The following ATAD2B variants were observed in gnomAD, a reference collection of about 807,000 sequenced individuals.
The protein encoded by ATAD2B is ATPase family AAA domain-containing protein 2B.
ATAD2B carries 40 observed loss-of-function variants against 167.6 expected under a neutral mutation model. That is an observed-to-expected ratio of 0.24 (90% CI 0.19 to 0.31). The LOEUF is 0.31. ATAD2B is among the 10% of genes least tolerant of loss of function. ATAD2B has a pLI of 1.00. For synonymous variants in ATAD2B, 579 were observed against 596.5 expected (o/e 0.97, Z 0.43); for missense variants, 1,242 against 1,757.2 (o/e 0.71, Z 5.24).
downstream of ATAD2B, among the ~76,000 whole-genome samples, chr2:23,745,115 C>T (rs761991127): frequency 2.0e-5 from 3 of 151,926 alleles, no homozygotes; most frequent in Non-Finnish European, 2.9e-5. Flanking sequence ...GTGAAACCCC[C>T]GTCCCTACAA....
At chr2:23,886,422 A>G (rs1003796621) in intron 4 of ATAD2B, among the ~76,000 whole-genome samples, 15 of 152,194 alleles carry the variant, frequency 9.9e-5, no homozygotes, top group Non-Finnish European at 1.6e-4. Flanking sequence ...AATAATTATC[A>G]GATACATGAC....
At chr2:23,924,901 G>A (rs1704488910) in intron 1 of ATAD2B, among the ~76,000 whole-genome samples, 1 of 152,118 alleles carries the variant, frequency 6.6e-6, no homozygotes, top group African/African-American at 2.4e-5. Flanking sequence ...GGGGGGTGAG[G>A]ACAGCATGAT....
the ATAD2B span, among the ~76,000 whole-genome samples, chr2:23,702,858 T>C: frequency 1.3e-5 from 2 of 152,230 alleles, no homozygotes; most frequent in South Asian, 2.1e-4. Flanking sequence ...AGTCCAGCAT[T>C]GCGGAATGCA....
intron 1 of ATAD2B, among the ~76,000 whole-genome samples, chr2:23,919,440 G>C (rs903726190): frequency 6.6e-6 from 1 of 151,904 alleles, no homozygotes; most frequent in African/African-American, 2.4e-5. Context: ...CCAGCTATTC[G>C]GGAGGTTAAG....
the ATAD2B span, among the ~76,000 whole-genome samples, chr2:23,737,027 A>T: frequency 1.3e-5 from 2 of 152,234 alleles, no homozygotes; most frequent in African/African-American, 4.8e-5. Flanking sequence ...TAGTTGTTTG[A>T]TTAGGTAAAC....
chr2:23,687,803 G>A, the ATAD2B span, among the ~76,000 whole-genome samples: 6 of 152,200 alleles, frequency 3.9e-5, no homozygotes, highest in South Asian at 2.1e-4. Flanking sequence ...CTGCAGGGCC[G>A]GGTATGAGGG....
At chr2:23,833,515 A>G (rs1689402651) in intron 14 of ATAD2B, among the ~76,000 whole-genome samples, 1 of 152,234 alleles carries the variant, frequency 6.6e-6, no homozygotes, top group Non-Finnish European at 1.5e-5. Flanking sequence ...TTTTAATTAA[A>G]TATAGCAATT....
intron 1 of ATAD2B, among the ~76,000 whole-genome samples, chr2:23,919,104 AG>A (rs1703501652): frequency 6.6e-6 from 1 of 152,182 alleles, no homozygotes; most frequent in Admixed American, 6.6e-5. Context: ...ACACTTTGGA[AG>A]GCCAAGGTGG....
chr2:23,867,009 T>C (rs1039176786), intron 10 of ATAD2B, among the ~76,000 whole-genome samples: 5 of 152,198 alleles, frequency 3.3e-5, no homozygotes, highest in African/African-American at 1.2e-4. Flanking sequence ...TCATCTATTT[T>C]CCAAAGTGAC....
intron 2 of ATAD2B, among the ~76,000 whole-genome samples, chr2:23,892,621 C>T (rs1413068472): frequency 6.6e-6 from 1 of 152,056 alleles, no homozygotes; most frequent in African/African-American, 2.4e-5. Context: ...AGGCACGCGC[C>T]GCCTTGCTTA....
chr2:23,727,429 A>T, the ATAD2B span, among the ~76,000 whole-genome samples: 1 of 152,236 alleles, frequency 6.6e-6, no homozygotes, highest in Non-Finnish European at 1.5e-5. Flanking sequence ...CTAACTGCTG[A>T]CAAACTGTGG....
chr2:23,849,942 G>C (rs1692296159), intron 13 of ATAD2B, among the ~76,000 whole-genome samples: 1 of 151,562 alleles, frequency 6.6e-6, no homozygotes. Flanking sequence ...GGATACACTG[G>C]GACATAAAGG....
intron 19 of ATAD2B, among the ~76,000 whole-genome samples, chr2:23,797,644 T>TAA (rs1341399748): frequency 1.1e-4 from 16 of 152,170 alleles, no homozygotes; most frequent in African/African-American, 3.1e-4. Context: ...CATATATATA[T>TAA]AACGAGATTA....
chr2:23,856,964 T>G (rs1693521519), intron 13 of ATAD2B, among the ~76,000 whole-genome samples: 1 of 152,122 alleles, frequency 6.6e-6, no homozygotes. Context: ...ATCTCGGCAC[T>G]TTGGGAGGCT....
At chr2:23,925,933 T>C (rs143437653) in intron 1 of ATAD2B, among the ~76,000 whole-genome samples, 192 of 152,344 alleles carry the variant, frequency 1.3e-3, no homozygotes, top group African/African-American at 4.5e-3. Flanking sequence ...GTGAGCTAGC[T>C]GGCTGGTTCC....
At chr2:23,812,678 C>T (rs1038392151) in intron 17 of ATAD2B, among the ~76,000 whole-genome samples, 7 of 152,044 alleles carry the variant, frequency 4.6e-5, no homozygotes, top group East Asian at 3.9e-4. Flanking sequence ...CTGGCTAACA[C>T]GGTGAAACCC....
the ATAD2B span, chr2:23,703,725 A>C: frequency 6.5e-7 from 1 of 1,536,042 alleles, no homozygotes; most frequent in Non-Finnish European, 8.7e-7. Flanking sequence ...ACAGACAACA[A>C]GTATGCCCCC....
At chr2:23,833,778 A>G (rs1689444504) in intron 14 of ATAD2B, 141 bp downstream of exon 14, 1 of 675,844 alleles carries the variant, frequency 1.5e-6, no homozygotes, top group East Asian at 2.9e-5. Context: ...CCATAATTAC[A>G]TAGGTTTTTA....
intron 27 of ATAD2B, 76 bp downstream of exon 27, chr2:23,754,103 T>C (rs930317150): frequency 4.8e-6 from 6 of 1,260,852 alleles, no homozygotes; most frequent in Non-Finnish European, 6.3e-6. Flanking sequence ...GTAGGCAAAA[T>C]AACTTTTTTT....
Sources: gnomAD v4.1 joint callset for allele counts (sites outside exome capture counted in the v4.1 genomes callset) on GRCh38, gnomAD v4.1.1 for gene constraint, MANE v1.5 for transcripts, NCBI Gene and HGNC (gene_info 2026-07-23, HGNC 2026-07-21) for gene names.